Variants in MEPE observed in about 807,000 individuals in gnomAD.
MEPE encodes the protein matrix extracellular phosphoglycoprotein, also known as matrix, extracellular phosphoglycoprotein with ASARM motif (bone).
Under a neutral mutation model 7.3 loss-of-function variants are expected in MEPE, and 7 were observed. The ratio of observed to expected loss-of-function variants is 0.95; its 90% CI spans 0.54 to 1.79. The LOEUF is 1.79. MEPE is among the 40% of genes most tolerant of loss of function. The probability of loss-of-function intolerance (pLI) is 0.00; values close to 1 mark genes in which losing one functional copy is unlikely to be tolerated. For missense variants in MEPE, 623 were observed against 628.2 expected, an observed-to-expected ratio of 0.99 and a Z score of 0.09; for synonymous variants, 214 against 213.1, an observed-to-expected ratio of 1.00 and a Z score of -0.04.
intron 2 of MEPE, among the ~76,000 whole-genome samples, chr4:87,836,982 G>GCAGCTATGCCTTGGAGTC (rs1722819301): frequency 6.6e-6 from 1 of 152,198 alleles, no homozygotes; most frequent in South Asian, 2.1e-4. Context: ...TGAATATTAG[G>GCAGCTATGCCTTGGAGTC]CAGCTATGCC....
chr4:87,845,638 G>A lies in MEPE; in HGVS notation c.770G>A (p.Gly257Glu), dbSNP rs1451531875. The change falls in exon 4 of 4, where the codon GGG becomes GAG. Residue 257 changes from glycine to glutamate, a missense_variant. Coordinates refer to ENST00000361056, the MANE Select transcript of MEPE (RefSeq NM_020203.6). ...GACAATGATATATCTCCTTTCAGTGGGGACGGCCAACCTTTTAAGGACATT... is the reference window on the plus strand; with the variant it reads ...GACAATGATATATCTCCTTTCAGTGAGGACGGCCAACCTTTTAAGGACATT... ...RGDNDISPFS[G>E]DGQPFKDIPG... 1.2e-6 allele frequency: 2 copies of A among 1,613,868 alleles called. No homozygotes were observed. Among genetic ancestry groups the A allele is most frequent in the Non-Finnish European group, 1.7e-6 (2 of 1,179,946 alleles).
upstream of MEPE, among the ~76,000 whole-genome samples, chr4:87,829,159 AT>A (rs375834673): frequency 2.0e-5 from 3 of 151,918 alleles, no homozygotes; most frequent in Admixed American, 1.3e-4. Context: ...CATTCTCCTA[AT>A]TTTTTTTCCC....
At chr4:87,840,604 T>G (rs1722977083) in intron 3 of MEPE, among the ~76,000 whole-genome samples, 1 of 152,168 alleles carries the variant, frequency 6.6e-6, no homozygotes, top group Non-Finnish European at 1.5e-5. Context: ...AAATTCTTTC[T>G]CTCCAGGATC....
chr4:87,840,994 TA>T (rs1359587314), intron 3 of MEPE, among the ~76,000 whole-genome samples: 1 of 152,344 alleles, frequency 6.6e-6, no homozygotes, highest in African/African-American at 2.4e-5. Context: ...TATTTTTTGA[TA>T]TTTTCTTCAA....
intron 2 of MEPE, among the ~76,000 whole-genome samples, chr4:87,836,692 C>T (rs1184284534): frequency 6.6e-6 from 1 of 152,060 alleles, no homozygotes; most frequent in Non-Finnish European, 1.5e-5. Flanking sequence ...GGAACATTTC[C>T]TCTTATTACT....
chr4:87,841,698 G>A (rs1723019150), intron 3 of MEPE, among the ~76,000 whole-genome samples: 2 of 152,064 alleles, frequency 1.3e-5, no homozygotes, highest in Non-Finnish European at 2.9e-5. Context: ...CTGTTTGGGA[G>A]TGAAAAAAAA....
upstream of MEPE, among the ~76,000 whole-genome samples, chr4:87,829,875 T>C (rs1722558409): frequency 7.0e-6 from 1 of 143,100 alleles, no homozygotes; most frequent in African/African-American, 2.6e-5. Context: ...CTTTTTTTTT[T>C]TTTTTTTGGA....
chr4:87,840,419 G>A (rs1417730265), intron 3 of MEPE, among the ~76,000 whole-genome samples: 4 of 152,170 alleles, frequency 2.6e-5, no homozygotes, highest in Non-Finnish European at 4.4e-5. Flanking sequence ...ATTTCCCATG[G>A]AAGTAATAGT....
Position 87,846,178 on chromosome 4 carries a change from C to T in MEPE, c.1310C>T (p.Pro437Leu), listed in dbSNP as rs757214452. The T allele has an allele frequency of 6.2e-7, 1 of 1,613,896 alleles. No individual in the cohort carries two copies. The highest frequency in any genetic ancestry group is 1.1e-5 in the South Asian group (1 of 91,066). The change falls in exon 4 of 4, where the codon CCC becomes CTC. Residue 437 changes from proline to leucine, a missense_variant. Physicochemically the swap from Pro to Leu is moderately conservative, Grantham distance 98 (BLOSUM62 -3). Coordinates refer to ENST00000361056, the MANE Select transcript of MEPE (RefSeq NM_020203.6). ...AGTAAGGGCAAAAGTCAGGGCCTGCCCATTCCTTCTCGTGGTCTTGATAAT... is the reference window on the plus strand; with the variant it reads ...AGTAAGGGCAAAAGTCAGGGCCTGCTCATTCCTTCTCGTGGTCTTGATAAT... ...FPSKGKSQGL[P>L]IPSRGLDNEI...
At chr4:87,829,331 C>A (rs1451841462), upstream of MEPE, among the ~76,000 whole-genome samples, 1 of 151,994 alleles carries the variant, frequency 6.6e-6, no homozygotes, top group African/African-American at 2.4e-5. Flanking sequence ...TGCCAGTTCA[C>A]CCCTTGGTAG....
chr4:87,822,455 C>T lies in MEPE; in HGVS notation c.-13+984C>T, dbSNP rs538859243. Among the ~76,000 whole-genome samples the T allele has an allele frequency of 7.9e-5, 12 of 152,280 alleles. No homozygotes were observed. In the South Asian group the frequency reaches 2.3e-3, roughly 29 times the overall value. ...AACTGGGTTACGAAGCTCCTGAATG[C>T]AGCTGCTAGGTTCACACACCACACT... On this transcript the variant is annotated intron_variant, in intron 1 of 3. Transcript: ENST00000424957.
At chr4:87,829,177 T>C (rs1423709376), upstream of MEPE, among the ~76,000 whole-genome samples, 1 of 152,176 alleles carries the variant, frequency 6.6e-6, no homozygotes, top group Non-Finnish European at 1.5e-5. Context: ...TCCCCAGAAT[T>C]TCTTCTCTGC....
chr4:87,834,769 G>A lies in MEPE; in HGVS notation c.54+1G>A. ...TTTCAGTGTGACCTGGGCAGCACCA[G>A]TAAGTATTTACAAATTCAATTATAT... On this transcript the variant is annotated splice_donor_variant, in intron 2 of 3. Coordinates refer to ENST00000361056, the MANE Select transcript of MEPE (RefSeq NM_020203.6). LOFTEE classifies it high-confidence loss of function. The A allele has an allele frequency of 6.2e-7, 1 of 1,609,938 alleles. No individual in the cohort carries two copies. The highest frequency in any genetic ancestry group is 8.5e-7 in the Non-Finnish European group (1 of 1,178,190).
upstream of MEPE, among the ~76,000 whole-genome samples, chr4:87,831,298 T>G (rs1440582656): frequency 6.6e-6 from 1 of 152,148 alleles, no homozygotes; most frequent in African/African-American, 2.4e-5. Context: ...CTTATAAAAT[T>G]TGTCTAAATC....
At chr4:87,839,826 C>G in intron 3 of MEPE, 1 of 1,543,332 alleles carries the variant, frequency 6.5e-7, no homozygotes, top group Non-Finnish European at 8.8e-7. Context: ...AAACTCTGGA[C>G]TAGCCCTAGA....
intron 3 of MEPE, among the ~76,000 whole-genome samples, chr4:87,840,608 C>T (rs1722977427): frequency 6.6e-6 from 1 of 151,956 alleles, no homozygotes; most frequent in South Asian, 2.1e-4. Context: ...TCTTTCTCTC[C>T]AGGATCTTAG....
chr4:87,846,189 C>T lies in MEPE; in HGVS notation c.1321C>T (p.Arg441Cys), dbSNP rs755837156. Residue 441 changes from arginine (R) to cysteine (C), a missense_variant, in exon 4 of 4, where the codon CGT becomes TGT. Arg to Cys is a radical substitution (Grantham distance 180). Transcript: ENST00000361056. Reference sequence around the variant, plus strand: ...AAGTCAGGGCCTGCCCATTCCTTCTCGTGGTCTTGATAATGAAATCAAAAA... The same window carrying T: ...AAGTCAGGGCCTGCCCATTCCTTCTTGTGGTCTTGATAATGAAATCAAAAA... ...GKSQGLPIPSRGLDNEIKNEM... is the reference protein window; with the variant it reads ...GKSQGLPIPSCGLDNEIKNEM... The T allele has an allele frequency of 5.0e-6, 8 of 1,613,858 alleles. No individual in the cohort carries two copies. Among genetic ancestry groups the T allele is most frequent in the Admixed American group, 3.3e-5 (2 of 59,924 alleles).
intron 1 of MEPE, among the ~76,000 whole-genome samples, chr4:87,823,706 T>G (rs999649232): frequency 1.3e-5 from 2 of 152,108 alleles, no homozygotes; most frequent in African/African-American, 4.8e-5. Context: ...CTTTGAATGA[T>G]GAGGAGAACA....
Position 87,845,479 on chromosome 4 carries a change from A to G in MEPE, c.611A>G (p.Gln204Arg), listed in dbSNP as rs1723189555. Residue 204 changes from glutamine (Q) to arginine (R), a missense_variant, in exon 4 of 4, where the codon CAG (glutamine) becomes CGG (arginine). Transcript: ENST00000361056. Reference protein sequence around the residue: ...KKKPQRDSQAQKSPVKSKSTH... With the variant: ...KKKPQRDSQARKSPVKSKSTH... ...AAGCCTCAAAGAGATTCCCAAGCCC[A>G]GAAAAGTCCAGTAAAAAGCAAAAGC... is the stretch of plus-strand genomic sequence containing the variant. 1 of 1,613,754 alleles carries G rather than the reference A, an allele frequency of 6.2e-7. No individual in the cohort carries two copies. Among genetic ancestry groups the G allele is most frequent in the African/African-American group, 1.3e-5 (1 of 74,900 alleles).
Sources: allele counts gnomAD v4.1 joint callset (sites outside exome capture counted in the v4.1 genomes callset), GRCh38; gene constraint gnomAD v4.1.1; transcripts MANE v1.5; gene names NCBI Gene and HGNC (gene_info 2026-07-23, HGNC 2026-07-21).